ATF6: variants seen among roughly 807,000 people sequenced by gnomAD.
The protein encoded by ATF6 is cyclic AMP-dependent transcription factor ATF-6 alpha.
A neutral mutation model predicts 83.6 loss-of-function variants in ATF6; 53 were observed. The observed-to-expected ratio is 0.63, with a 90% CI of 0.51 to 0.80. The LOEUF is 0.80. Among genes scored for constraint, ATF6 ranks in the 30% least tolerant of loss-of-function variants. ATF6 has a pLI of 0.00. For missense variants in ATF6, 744 were observed against 797.9 expected, an observed-to-expected ratio of 0.93 and a Z score of 0.81; for synonymous variants, 288 against 285.8, an observed-to-expected ratio of 1.01 and a Z score of -0.08.
intron 14 of ATF6, among the ~76,000 whole-genome samples, chr1:161,904,228 T>C (rs1312045959): frequency 6.6e-6 from 1 of 152,178 alleles, no homozygotes; most frequent in Non-Finnish European, 1.5e-5. Context: ...TTTAGAACAA[T>C]ACTTGACCAA....
intron 1 of ATF6, among the ~76,000 whole-genome samples, chr1:161,773,497 C>T (rs1684445326): frequency 6.6e-6 from 1 of 152,072 alleles, no homozygotes; most frequent in Admixed American, 6.5e-5. Context: ...AACTCCCGAC[C>T]TCATGTGATC....
At chr1:161,825,434 C>T (rs998753796) in intron 9 of ATF6, among the ~76,000 whole-genome samples, 16 of 152,224 alleles carry the variant, frequency 1.1e-4, no homozygotes, top group Non-Finnish European at 5.9e-5. Flanking sequence ...CTTCAGTCAC[C>T]AGTTGCAAGT....
At chr1:161,814,644 C>T (rs1168761739) in intron 7 of ATF6, among the ~76,000 whole-genome samples, 1 of 152,060 alleles carries the variant, frequency 6.6e-6, no homozygotes, top group Non-Finnish European at 1.5e-5. Context: ...ACACACAAAA[C>T]TTAATAGAAA....
intron 9 of ATF6, 84 bp from the exon 10 acceptor site, chr1:161,846,356 AAAGGAATTG>A: frequency 7.2e-7 from 1 of 1,384,234 alleles, no homozygotes; most frequent in Non-Finnish European, 9.7e-7. Context: ...ATGGATCTGC[AAAGGAATTG>A]TGGTTTGTTT....
chr1:161,829,575 A>G (rs1300225398), intron 9 of ATF6, among the ~76,000 whole-genome samples: 1 of 152,166 alleles, frequency 6.6e-6, no homozygotes, highest in Non-Finnish European at 1.5e-5. Flanking sequence ...GGCAAACTGA[A>G]TCTAGCAACA....
At position 161,876,967 on chromosome 1, in the gene ATF6, A is replaced by G. The variant is rs116270614; in HGVS notation, c.1719+13655A>G. Among the ~76,000 whole-genome samples, 1,168 of 152,126 alleles carry G rather than the reference A, an allele frequency of 7.7e-3. 12 individuals are homozygous for G. The highest frequency in any genetic ancestry group is 0.026 in the African/African-American group (1,089 of 41,556). On this transcript the variant is annotated intron_variant, in intron 14 of 15. Coordinates refer to ENST00000367942, the MANE Select transcript of ATF6 (RefSeq NM_007348.4). The stretch of plus-strand genomic sequence containing the variant: ...AAGAAGCTGTAGATAGATTTAGAAA[A>G]CTTTTCCAAAAAGATTTAAAAATAA...
intron 14 of ATF6, among the ~76,000 whole-genome samples, chr1:161,876,286 C>A (rs1230369994): frequency 6.6e-6 from 1 of 151,920 alleles, no homozygotes; most frequent in Non-Finnish European, 1.5e-5. Context: ...ATTAACTCAG[C>A]CTTCGTATTT....
At chr1:161,869,795 TTTATTA>T (rs1048917360) in intron 14 of ATF6, among the ~76,000 whole-genome samples, 23 of 152,008 alleles carry the variant, frequency 1.5e-4, no homozygotes, top group African/African-American at 5.5e-4. Context: ...TCTATTTCAC[TTTATTA>T]TATACAAATA....
chr1:161,810,874 G>A (rs1395920648), intron 7 of ATF6, among the ~76,000 whole-genome samples: 1 of 151,872 alleles, frequency 6.6e-6, no homozygotes. Context: ...GCCCTTTTGT[G>A]TATGGCGTCT....
chr1:161,833,215 TAACA>T lies in ATF6; in HGVS notation c.1187+12059_1187+12062del, dbSNP rs1229848937. The stretch of plus-strand genomic sequence containing the variant: ...GGGTCCTGACTGTTAGAAGGAAAAC[TAACA>T]AACAGAAAGGACATCCACACCAAAA... On this transcript the variant is annotated intron_variant, in intron 9 of 15. Transcript: ENST00000367942. 3.3e-5 allele frequency among the ~76,000 whole-genome samples: 5 copies of T among 152,176 alleles called. No individual in the cohort carries two copies. In the East Asian group the frequency reaches 9.7e-4, roughly 30 times the overall value.
chr1:161,791,349 C>A, intron 4 of ATF6, 59 bp from the exon 5 acceptor site: 1 of 1,475,438 alleles, frequency 6.8e-7, no homozygotes, highest in Non-Finnish European at 9.1e-7. Flanking sequence ...TCCTCCTTTT[C>A]TATGCAATTT....
chr1:161,962,737 G>A lies in ATF6; in HGVS notation c.*4083G>A, dbSNP rs1400578598. 1 of 152,164 alleles carries A rather than the reference G, an allele frequency of 6.6e-6. No homozygotes were observed. Among genetic ancestry groups the A allele is most frequent in the East Asian group, 1.9e-4 (1 of 5,190 alleles). The allele number at this position is 152,164 out of a possible 1,614,324, so 9.4% of individuals were successfully genotyped here. ...CACTGCATACTGATGGGCTGACTCA[G>A]CTTCCTTCAGCCGACTGAGATCTTT... is the stretch of plus-strand genomic sequence containing the variant. On this transcript the variant is annotated 3_prime_UTR_variant, in exon 16 of 16. Transcript: ENST00000367942.
At chr1:161,834,950 C>T (rs2101805332) in intron 9 of ATF6, among the ~76,000 whole-genome samples, 1 of 152,284 alleles carries the variant, frequency 6.6e-6, no homozygotes, top group African/African-American at 2.4e-5. Flanking sequence ...GTAACATTCC[C>T]AGTCATGAGA....
chr1:161,869,609 A>G (rs960076701), intron 14 of ATF6, among the ~76,000 whole-genome samples: 1 of 151,692 alleles, frequency 6.6e-6, no homozygotes, highest in Non-Finnish European at 1.5e-5. Flanking sequence ...GTTTTAAAAA[A>G]CCTTCTTTTA....
chr1:161,932,393 G>T (rs984082861), intron 15 of ATF6, among the ~76,000 whole-genome samples: 1 of 152,050 alleles, frequency 6.6e-6, no homozygotes, highest in Non-Finnish European at 1.5e-5. Context: ...TCTGAACCAA[G>T]AAATTTGATT....
intron 4 of ATF6, among the ~76,000 whole-genome samples, chr1:161,784,389 C>G (rs1460240092): frequency 6.6e-6 from 1 of 152,102 alleles, no homozygotes; most frequent in South Asian, 2.1e-4. Flanking sequence ...CTTTCTCCCA[C>G]CCTTTCTTTC....
At chr1:161,864,096 G>A (rs1686941378) in intron 14 of ATF6, among the ~76,000 whole-genome samples, 1 of 151,790 alleles carries the variant, frequency 6.6e-6, no homozygotes, top group Admixed American at 6.6e-5. Flanking sequence ...TTTTAAACAA[G>A]AGAAGGGACC....
chr1:161,772,963 GTTTT>G (rs34459711), intron 1 of ATF6, among the ~76,000 whole-genome samples: 2 of 73,518 alleles, frequency 2.7e-5, no homozygotes, highest in Non-Finnish European at 2.6e-5. Flanking sequence ...TGAAACTCCT[GTTTT>G]TTTTTTTTTT....
chr1:161,790,670 G>A (rs1435525097), intron 4 of ATF6, among the ~76,000 whole-genome samples: 2 of 152,078 alleles, frequency 1.3e-5, no homozygotes, highest in Non-Finnish European at 2.9e-5. Flanking sequence ...ACTTAGCAAG[G>A]CGTGGTGGCA....
Sources: gnomAD v4.1 joint callset for allele counts (sites outside exome capture counted in the v4.1 genomes callset) on GRCh38, gnomAD v4.1.1 for gene constraint, MANE v1.5 for transcripts, NCBI Gene and HGNC (gene_info 2026-07-23, HGNC 2026-07-21) for gene names.